PDE6C: variants seen among roughly 807,000 people sequenced by gnomAD.
PDE6C encodes the protein phosphodiesterase 6C, also known as cone cGMP-specific 3',5'-cyclic phosphodiesterase subunit alpha'.
In PDE6C, 75 loss-of-function variants were observed where a neutral mutation model predicts 113.1. That is an observed-to-expected ratio of 0.66 (90% confidence interval 0.55 to 0.80). The LOEUF (loss-of-function observed/expected upper bound fraction) is 0.80, where lower values mean the gene tolerates loss of function less well. Among genes scored for constraint, PDE6C ranks in the 30% least tolerant of loss-of-function variants. The pLI is 0.00. For missense variants in PDE6C, 912 were observed against 1,038.6 expected, an observed-to-expected ratio of 0.88 and a Z score of 1.67; for synonymous variants, 375 against 363.7, an observed-to-expected ratio of 1.03 and a Z score of -0.35.
rs200108487 is a variant in PDE6C at position 93,634,804 on chromosome 10, C to G, written c.1166C>G (p.Ser389Cys). The change falls in exon 9 of 22, where the codon TCC becomes TGC. Residue 389 changes from serine to cysteine, a missense_variant. Transcript: ENST00000371447. ...ETGWVIKNVL[S>C]LPIVNKKEDI... Reference sequence around the variant, plus strand: ...GGTTGGGTCATTAAGAATGTTTTGTCCCTGCCTATTGTCAACAAGAAAGAA... The same window carrying G: ...GGTTGGGTCATTAAGAATGTTTTGTGCCTGCCTATTGTCAACAAGAAAGAA... 1 of 1,614,074 alleles carries G rather than the reference C, an allele frequency of 6.2e-7. No homozygotes were observed. The highest frequency in any genetic ancestry group is 8.5e-7 in the Non-Finnish European group (1 of 1,179,986).
rs958200524 is a variant in PDE6C at position 93,645,119 on chromosome 10, T to C, written c.1848-841T>C. Among the ~76,000 whole-genome samples, 6 of 152,014 alleles carry C rather than the reference T, an allele frequency of 3.9e-5. No individual in the cohort carries two copies. The East Asian group carries it at 5.8e-4, about 15-fold the overall frequency. The stretch of plus-strand genomic sequence containing the variant: ...AAGATAGAAAGCAGTTTGGTGGTTA[T>C]AGAAACTGGGATTTACTCATTTTTT... On this transcript the variant is annotated intron_variant, in intron 14 of 21. Coordinates refer to ENST00000371447, the MANE Select transcript of PDE6C (RefSeq NM_006204.4).
chr10:93,657,630 G>A (rs1244414989), intron 16 of PDE6C, among the ~76,000 whole-genome samples: 1 of 151,898 alleles, frequency 6.6e-6, no homozygotes, highest in African/African-American at 2.4e-5. Flanking sequence ...TAACTGAATA[G>A]AGTATTCAAC....
At chr10:93,664,654 C>G (rs1052441640) in intron 21 of PDE6C, among the ~76,000 whole-genome samples, 1 of 152,178 alleles carries the variant, frequency 6.6e-6, no homozygotes, top group Non-Finnish European at 1.5e-5. Context: ...CTTTAAGTGA[C>G]ATTGGATATG....
At chr10:93,654,097 C>T (rs532510226) in intron 15 of PDE6C, among the ~76,000 whole-genome samples, 15 of 152,252 alleles carry the variant, frequency 9.9e-5, no homozygotes, top group African/African-American at 2.9e-4. Flanking sequence ...ATTTTAACAG[C>T]GATTTACAGT....
rs74824128 is a variant in PDE6C, at chr10:93,615,884, T to C, written c.480+2679T>C. Among the ~76,000 whole-genome samples the C allele has an allele frequency of 4.0e-3, 605 of 151,982 alleles. 5 individuals are homozygous for C. The highest frequency in any genetic ancestry group is 0.014 in the African/African-American group (585 of 41,458). On this transcript the variant is annotated intron_variant, in intron 1 of 21. Transcript: ENST00000371447. ...GGACAGGAAGTTGAGGCCATAGGAG[T>C]TGTATATCCCCCGGGTCCATGGTGT...
chr10:93,659,556 T>A (rs1194368831), intron 18 of PDE6C, among the ~76,000 whole-genome samples: 2 of 152,060 alleles, frequency 1.3e-5, no homozygotes, highest in African/African-American at 4.8e-5. Flanking sequence ...GGCCTCACAA[T>A]CATGGTGGAA....
At chr10:93,622,639 G>GTTTTTTTTT (rs67350128) in intron 4 of PDE6C, among the ~76,000 whole-genome samples, 27 of 113,980 alleles carry the variant, frequency 2.4e-4, no homozygotes, top group South Asian at 1.0e-3. Context: ...GTAGCCACAG[G>GTTTTTTTTT]TTTTTTTTTT....
Position 93,665,657 on chromosome 10 carries a change from A to G in PDE6C, c.*239A>G. 1.9e-6 allele frequency: 1 copy of G among 520,704 alleles called. No individual in the cohort carries two copies. Among genetic ancestry groups the G allele is most frequent in the South Asian group, 2.2e-5 (1 of 46,472 alleles). 32.3% of individuals were successfully genotyped at this position (520,704 alleles called of 1,614,324 possible). A position where few individuals can be genotyped will look rare whatever the true frequency, so the allele number is the denominator to read the frequency against. On this transcript the variant is annotated 3_prime_UTR_variant, in exon 22 of 22. Coordinates refer to ENST00000371447, the MANE Select transcript of PDE6C (RefSeq NM_006204.4). ...GGTGCCAATTTATTTTAAATTAAAA[A>G]ATATGCAATCCTGAAACTAGTCACA...
At position 93,634,925 on chromosome 10, in the gene PDE6C, A is replaced by G. The variant is rs761000143; in HGVS notation, c.1269+18A>G. 13 of 1,613,310 alleles carry G rather than the reference A, an allele frequency of 8.1e-6. No individual in the cohort carries two copies. In the Admixed American group the frequency reaches 8.3e-5, roughly 10 times the overall value. On this transcript the variant is annotated intron_variant, in intron 9 of 21. Transcript: ENST00000371447. Reference sequence around the variant, plus strand: ...TTACCGAGGCAAGTGCAATAATAAGATAATGGAAGTCAATGCAATTCACAA... The same window carrying G: ...TTACCGAGGCAAGTGCAATAATAAGGTAATGGAAGTCAATGCAATTCACAA...
chr10:93,640,466 T>C lies in PDE6C; in HGVS notation c.1646T>C (p.Met549Thr), dbSNP rs755503558. The C allele has an allele frequency of 1.9e-6, 3 of 1,612,120 alleles. No homozygotes were observed. Among genetic ancestry groups the C allele is most frequent in the South Asian group, 2.2e-5 (2 of 91,050 alleles). Residue 549 changes from methionine (M) to threonine (T), a missense_variant, in exon 13 of 22, where the codon ATG becomes ACG. By Grantham distance (81) the Met-to-Thr change is moderately conservative (BLOSUM62 -1). Transcript: ENST00000371447. ...TTCTTTTAGGTTCTTACCAGATGGA[T>C]GTACACTGTGAGGAAAGGGTACCGA... ...KVPVEVLTRWMYTVRKGYRAV... is the reference protein window; with the variant it reads ...KVPVEVLTRWTYTVRKGYRAV...
chr10:93,646,998 C>T (rs2058587686), intron 15 of PDE6C, among the ~76,000 whole-genome samples: 1 of 152,196 alleles, frequency 6.6e-6, no homozygotes, highest in Non-Finnish European at 1.5e-5. Flanking sequence ...TCAGAGATGG[C>T]TTTCTGCAGG....
At chr10:93,636,873 T>A (rs538501697) in intron 10 of PDE6C, 122 bp from the exon 11 acceptor site, 14 of 682,204 alleles carry the variant, frequency 2.1e-5, no homozygotes, top group Admixed American at 6.4e-5. Flanking sequence ...GCTCCAGGGA[T>A]CTTCCCGCCT....
chr10:93,654,668 A>G (rs1213365977), intron 15 of PDE6C, among the ~76,000 whole-genome samples: 1 of 152,060 alleles, frequency 6.6e-6, no homozygotes, highest in Non-Finnish European at 1.5e-5. Context: ...ATCACTATCT[A>G]TCTGTCATTT....
intron 1 of PDE6C, among the ~76,000 whole-genome samples, chr10:93,616,868 C>T (rs924800258): frequency 5.9e-5 from 9 of 152,002 alleles, no homozygotes; most frequent in African/African-American, 1.4e-4. Context: ...TGGCCAGGCT[C>T]GTCTTGAACT....
chr10:93,665,303 T>TA, intron 21 of PDE6C, 57 bp from the exon 22 acceptor site: 6 of 1,273,058 alleles, frequency 4.7e-6, no homozygotes, highest in Non-Finnish European at 6.9e-6. Context: ...AATGTTAGAA[T>TA]AAAAACACTG....
At chr10:93,663,215 C>A in intron 21 of PDE6C, 37 bp downstream of exon 21, 2 of 1,602,514 alleles carry the variant, frequency 1.2e-6, no homozygotes, top group Non-Finnish European at 8.5e-7. Flanking sequence ...TGTAATGTAG[C>A]CAGAAGCTAG....
chr10:93,633,667 T>C (rs2058514096), intron 8 of PDE6C, among the ~76,000 whole-genome samples: 1 of 152,088 alleles, frequency 6.6e-6, no homozygotes, highest in Non-Finnish European at 1.5e-5. Flanking sequence ...CACAGAGGCT[T>C]GACAAATGTT....
chr10:93,620,318 C>CT (rs1000023418), intron 1 of PDE6C, among the ~76,000 whole-genome samples: 12 of 152,256 alleles, frequency 7.9e-5, no homozygotes, highest in East Asian at 1.9e-4. Context: ...AACCTTGTGC[C>CT]TTCCCCTCTC....
intron 16 of PDE6C, among the ~76,000 whole-genome samples, chr10:93,658,530 A>G (rs1047749302): frequency 6.6e-6 from 1 of 152,094 alleles, no homozygotes; most frequent in Non-Finnish European, 1.5e-5. Flanking sequence ...AGGCTGGTTT[A>G]AAACTCCCGG....
Sources: allele counts gnomAD v4.1 joint callset (sites outside exome capture counted in the v4.1 genomes callset), GRCh38; gene constraint gnomAD v4.1.1; transcripts MANE v1.5; gene names NCBI Gene and HGNC (gene_info 2026-07-23, HGNC 2026-07-21).